Variants in ARFGEF1 observed in about 807,000 individuals in gnomAD.
The protein encoded by ARFGEF1 is brefeldin A-inhibited guanine nucleotide-exchange protein 1.
Under a neutral mutation model 231.0 loss-of-function variants are expected in ARFGEF1, and 42 were observed. The observed-to-expected ratio is 0.18, with a 90% CI of 0.14 to 0.24. ARFGEF1 has a LOEUF of 0.24. Ranked by LOEUF, ARFGEF1 falls within the 10% of genes least tolerant of loss-of-function variation. The pLI, the probability that ARFGEF1 is intolerant of heterozygous loss-of-function variation, is 1.00. For synonymous variants in ARFGEF1, 710 were observed against 732.3 expected (o/e 0.97, Z 0.49); for missense variants, 1,345 against 2,192.0 (o/e 0.61, Z 7.72).
chr8:67,339,328 ACT>A (rs1185927364), intron 1 of ARFGEF1, among the ~76,000 whole-genome samples: 1 of 151,068 alleles, frequency 6.6e-6, no homozygotes, highest in Non-Finnish European at 1.5e-5. Flanking sequence ...CAACTTTTTC[ACT>A]CTTATTGTGT....
At chr8:67,311,267 G>A (rs1332296888) in intron 1 of ARFGEF1, among the ~76,000 whole-genome samples, 1 of 126,114 alleles carries the variant, frequency 7.9e-6, no homozygotes. Context: ...CCGGCCAGCC[G>A]CCCCGTCCGG....
chr8:67,343,618 C>A lies in ARFGEF1; in HGVS notation c.-331G>T. The A allele has an allele frequency of 9.5e-7, 1 of 1,048,250 alleles. No homozygotes were observed. The highest frequency in any genetic ancestry group is 1.1e-6 in the Non-Finnish European group (1 of 871,132). The allele number at this position is 1,048,250 out of a possible 1,614,324, so 64.9% of individuals were successfully genotyped here. On this transcript the variant is annotated 5_prime_UTR_variant, in exon 1 of 39. Transcript: ENST00000262215. ...CCTGGTGGCGGTGAGGGAGCCCGGC[C>A]CGGGCGGCTGTCTGCCGGGAACTGA...
At chr8:67,343,089 C>A in intron 1 of ARFGEF1, 75 bp downstream of exon 1, 2 of 438,124 alleles carry the variant, frequency 4.6e-6, no homozygotes, top group South Asian at 2.1e-5. Flanking sequence ...CCCCGGGCGA[C>A]CCCACCCCCC....
At chr8:67,252,450 TTCC>T (rs1840324834) in intron 18 of ARFGEF1, among the ~76,000 whole-genome samples, 1 of 152,134 alleles carries the variant, frequency 6.6e-6, no homozygotes, top group Non-Finnish European at 1.5e-5. Context: ...CTTCTCTTAT[TTCC>T]TACCACCATA....
rs1442543547 is a variant in ARFGEF1, at chr8:67,190,657, C to T, written c.560+9739G>A. The T allele has an allele frequency of 4.3e-6, 7 of 1,613,618 alleles. No individual in the cohort carries two copies. Among genetic ancestry groups the T allele is most frequent in the South Asian group, 1.1e-5 (1 of 91,060 alleles). On this transcript the variant is annotated intron_variant, in intron 5 of 5. Coordinates refer to the ARFGEF1 transcript ENST00000518789. ...TTTTCGGGGTCCTCTTAGGGGCTTA[C>T]GGTGAGACATATCCTGCCATTGAAG...
At chr8:67,270,764 C>T (rs1175974491) in intron 10 of ARFGEF1, among the ~76,000 whole-genome samples, 2 of 148,740 alleles carry the variant, frequency 1.3e-5, no homozygotes, top group Admixed American at 6.7e-5. Flanking sequence ...GTGGCTCACA[C>T]CTATGCTCCC....
In ARFGEF1 at chr8:67,280,299, A is replaced by G. The variant is rs73258618; in HGVS notation, c.1028-2842T>C. Among the ~76,000 whole-genome samples, 823 of 152,346 alleles carry G rather than the reference A, an allele frequency of 5.4e-3. 7 individuals are homozygous for G. Among genetic ancestry groups the G allele is most frequent in the African/African-American group, 0.019 (794 of 41,582 alleles). ...TCTATCAATAGAGCTGACCACAGCC[A>G]TGATCATCTAGACTGTATTTGATCA... On this transcript the variant is annotated intron_variant, in intron 7 of 38. Coordinates refer to ENST00000262215, the MANE Select transcript of ARFGEF1 (RefSeq NM_006421.5).
chr8:67,320,918 C>T (rs376684284), intron 1 of ARFGEF1, among the ~76,000 whole-genome samples: 11 of 151,974 alleles, frequency 7.2e-5, no homozygotes, highest in African/African-American at 2.2e-4. Context: ...ATCGCACCAC[C>T]GCACTTCAGC....
chr8:67,251,463 A>T lies in ARFGEF1; in HGVS notation c.2699-13T>A, dbSNP rs199715350. On this transcript the variant is annotated splice_polypyrimidine_tract_variant and intron_variant, in intron 18 of 38. Transcript: ENST00000262215. Reference sequence around the variant, plus strand: ...TCACTGGCTACATCTGAAACAATAAACACTATCAGCATTTTAAATATAAAA... The same window carrying T: ...TCACTGGCTACATCTGAAACAATAATCACTATCAGCATTTTAAATATAAAA... 105 of 1,578,894 alleles carry T rather than the reference A, an allele frequency of 6.7e-5. 1 individual carries two copies. The East Asian group carries it at 2.4e-3, about 36-fold the overall frequency.
At chr8:67,207,143 C>T (rs1248384261) in intron 34 of ARFGEF1, 1 of 152,180 alleles carries the variant, frequency 6.6e-6, no homozygotes, top group Non-Finnish European at 1.5e-5. Flanking sequence ...TCTTCTTAGT[C>T]CTTTATTACA....
At chr8:67,223,297 C>G (rs2128869734) in intron 29 of ARFGEF1, among the ~76,000 whole-genome samples, 1 of 152,266 alleles carries the variant, frequency 6.6e-6, no homozygotes, top group African/African-American at 2.4e-5. Context: ...ATAGCCCCAA[C>G]CTCCTGTGCT....
chr8:67,242,523 G>A (rs1049078534), intron 19 of ARFGEF1, among the ~76,000 whole-genome samples: 7 of 152,154 alleles, frequency 4.6e-5, no homozygotes, highest in African/African-American at 1.7e-4. Context: ...TGACTAAAGA[G>A]CCCCTGGGCC....
In ARFGEF1 at chr8:67,203,068, G is replaced by A. The variant is rs1316086745; in HGVS notation, c.5128+15C>T. The A allele has an allele frequency of 1.9e-6, 3 of 1,605,802 alleles. No individual in the cohort carries two copies. ...ATCAACAGTAAACATTAAATGTGAG[G>A]CGTGTGCAGCTTACCTGCTTTCCAC... is the stretch of plus-strand genomic sequence containing the variant. On this transcript the variant is annotated intron_variant, in intron 36 of 38. Coordinates refer to ENST00000262215, the MANE Select transcript of ARFGEF1 (RefSeq NM_006421.5).
At chr8:67,210,412 G>A (rs1167871306) in intron 34 of ARFGEF1, among the ~76,000 whole-genome samples, 1 of 151,410 alleles carries the variant, frequency 6.6e-6, no homozygotes, top group Admixed American at 6.6e-5. Flanking sequence ...CCTGGAGGTT[G>A]AGGCTGCAGT....
In ARFGEF1 at chr8:67,270,589, C is replaced by A. The variant is rs542324158; in HGVS notation, c.1572+1113G>T. Among the ~76,000 whole-genome samples the A allele has an allele frequency of 2.6e-5, 4 of 151,608 alleles. No homozygotes were observed. The South Asian group carries it at 8.4e-4, about 32-fold the overall frequency. On this transcript the variant is annotated intron_variant, in intron 10 of 38. Transcript: ENST00000262215. ...AGTATTTCAAAACCATACAACATCA[C>A]AACCAAAACAACATTTCAACAAATA...
At chr8:67,196,663 T>G (rs1461760469), downstream of ARFGEF1, among the ~76,000 whole-genome samples, 1 of 152,230 alleles carries the variant, frequency 6.6e-6, no homozygotes, top group African/African-American at 2.4e-5. Flanking sequence ...CGGACCATTG[T>G]TTGTTTGCTT....
chr8:67,278,458 T>C (rs942559318), intron 7 of ARFGEF1, among the ~76,000 whole-genome samples: 1 of 152,182 alleles, frequency 6.6e-6, no homozygotes, highest in African/African-American at 2.4e-5. Flanking sequence ...TCTCCAACTT[T>C]TGAGTGACTT....
rs959450697 is a variant in ARFGEF1, at chr8:67,240,353, T to C, written c.2851-63A>G. The stretch of plus-strand genomic sequence containing the variant: ...TGATAACACATTAAAATTTCTCAAA[T>C]CTTTTAGACAATACAAGTTCTGAAA... On this transcript the variant is annotated intron_variant, in intron 19 of 38. Transcript: ENST00000262215. The C allele has an allele frequency of 6.4e-6, 9 of 1,413,290 alleles. No individual in the cohort carries two copies. In the African/African-American group the frequency reaches 1.2e-4, roughly 18 times the overall value. The allele number at this position is 1,413,290 out of a possible 1,614,324, so 87.5% of individuals were successfully genotyped here.
At chr8:67,292,717 A>G (rs1806062258) in intron 5 of ARFGEF1, among the ~76,000 whole-genome samples, 1 of 152,150 alleles carries the variant, frequency 6.6e-6, no homozygotes, top group South Asian at 2.1e-4. Flanking sequence ...ATTATTATGT[A>G]TATAATACTA....
Sources: allele counts gnomAD v4.1 joint callset (sites outside exome capture counted in the v4.1 genomes callset), GRCh38; gene constraint gnomAD v4.1.1; transcripts MANE v1.5; gene names NCBI Gene and HGNC (gene_info 2026-07-23, HGNC 2026-07-21).